DKK3: variants seen among roughly 807,000 people sequenced by gnomAD.
DKK3 encodes the protein dickkopf-related protein 3.
A neutral mutation model predicts 33.2 loss-of-function variants in DKK3; 22 were observed. The observed-to-expected ratio is 0.66, with a 90% CI of 0.47 to 0.95. The LOEUF (loss-of-function observed/expected upper bound fraction) is 0.95. Among genes scored for constraint, DKK3 ranks in the 40% least tolerant of loss-of-function variants. The pLI, the probability that DKK3 is intolerant of heterozygous loss-of-function variation, is 0.00. For missense variants in DKK3, 398 were observed against 458.4 expected (o/e 0.87, Z 1.20); for synonymous variants, 194 against 188.8 (o/e 1.03, Z -0.23).
At chr11:11,990,128 T>C (rs977348169) in intron 3 of DKK3, among the ~76,000 whole-genome samples, 2 of 152,214 alleles carry the variant, frequency 1.3e-5, no homozygotes, top group African/African-American at 2.4e-5. Flanking sequence ...AAAGACCCTA[T>C]GGTGAAAGTT....
At position 11,964,308 on chromosome 11, in the gene DKK3, G is replaced by T; in HGVS notation, c.*156C>A. Reference sequence around the variant, plus strand: ...GCCTGGAGAACAGCCTGGGGGAGCTGAACAAATGCACAACACCTCATGCTG... The same window carrying T: ...GCCTGGAGAACAGCCTGGGGGAGCTTAACAAATGCACAACACCTCATGCTG... On this transcript the variant is annotated 3_prime_UTR_variant, in exon 7 of 7. Coordinates refer to ENST00000683431, the MANE Select transcript of DKK3 (RefSeq NM_001018057.2). 1 of 980,422 alleles carries T rather than the reference G, an allele frequency of 1.0e-6. No homozygotes were observed. The highest frequency in any genetic ancestry group is 1.5e-6 in the Non-Finnish European group (1 of 661,766). The allele number at this position is 980,422 out of a possible 1,614,324, so 60.7% of individuals were successfully genotyped here.
chr11:11,984,287 C>T (rs918831007), intron 3 of DKK3, among the ~76,000 whole-genome samples: 1 of 152,196 alleles, frequency 6.6e-6, no homozygotes, highest in East Asian at 1.9e-4. Context: ...TTATGGGCTT[C>T]TTATGAACAC....
rs565858171 is a variant in DKK3, at chr11:11,964,910, T to C, written c.831-224A>G. 3.3e-5 allele frequency among the ~76,000 whole-genome samples: 5 copies of C among 152,204 alleles called. No homozygotes were observed. In the East Asian group the frequency reaches 9.7e-4, roughly 30 times the overall value. On this transcript the variant is annotated intron_variant, in intron 6 of 6. Coordinates refer to ENST00000683431, the MANE Select transcript of DKK3 (RefSeq NM_001018057.2). ...GCTGGTGGGGGGCAGCTTCCCCTCC[T>C]CCAGCGCAGGCCTGACCTCCTGTGA... is the stretch of plus-strand genomic sequence containing the variant.
intron 1 of DKK3, among the ~76,000 whole-genome samples, chr11:12,003,679 T>G (rs893822398): frequency 1.3e-5 from 2 of 152,178 alleles, no homozygotes; most frequent in African/African-American, 4.8e-5. Flanking sequence ...AAAGAGAAGT[T>G]CTACCTGATA....
upstream of DKK3, chr11:12,009,061 C>A: frequency 1.0e-6 from 1 of 986,710 alleles, no homozygotes. Flanking sequence ...AAGCACAGGT[C>A]AGCCCCCTCC....
chr11:11,988,606 C>G (rs745687682), intron 3 of DKK3, among the ~76,000 whole-genome samples: 36 of 152,226 alleles, frequency 2.4e-4, no homozygotes, highest in Admixed American at 5.2e-4. Context: ...CCCCATAGGA[C>G]CTCTTGGGAG....
intron 6 of DKK3, among the ~76,000 whole-genome samples, 174 bp downstream of exon 6, chr11:11,965,635 T>A (rs1199435772): frequency 6.6e-6 from 1 of 151,668 alleles, no homozygotes; most frequent in Non-Finnish European, 1.5e-5. Context: ...TCCAGACCCC[T>A]AGAACCGACT....
chr11:11,980,681 C>G (rs1245910823), intron 3 of DKK3, among the ~76,000 whole-genome samples: 1 of 152,158 alleles, frequency 6.6e-6, no homozygotes, highest in African/African-American at 2.4e-5. Context: ...CTCCTGGGTG[C>G]TCCCCAGTCC....
At chr11:11,988,202 GA>G (rs1240484529) in intron 3 of DKK3, among the ~76,000 whole-genome samples, 1 of 152,134 alleles carries the variant, frequency 6.6e-6, no homozygotes, top group African/African-American at 2.4e-5. Context: ...AGGTGGAGGT[GA>G]AAAATGAAAC....
chr11:12,008,645 C>T (rs1444855048), upstream of DKK3: 6 of 1,284,064 alleles, frequency 4.7e-6, no homozygotes, highest in Admixed American at 4.2e-5. The surrounding 1 kb of genome is among the most constrained non-coding windows in gnomAD (Gnocchi z 4.6). Flanking sequence ...GCGCGCGGAC[C>T]ACCCCCCTCG....
At chr11:11,974,459 T>TG (rs938655350) in intron 3 of DKK3, among the ~76,000 whole-genome samples, 2 of 152,112 alleles carry the variant, frequency 1.3e-5, no homozygotes, top group Non-Finnish European at 2.9e-5. Flanking sequence ...CAGCATCTGG[T>TG]GAGGGCCTTC....
rs903545457 is a variant in DKK3 at position 12,008,234 on chromosome 11, C to A, written c.213+136G>T. On this transcript the variant is annotated intron_variant, in intron 1 of 6. Coordinates refer to ENST00000683431, the MANE Select transcript of DKK3 (RefSeq NM_001018057.2). This position sits in a 1 kb window ranked among gnomAD's most constrained non-coding sequence, Gnocchi z 4.6. ...CACCGTGCGCTGCCTCCAGGTCACT[C>A]CGCATCTGCTGTCGGCCCTTCCCAG... is the stretch of plus-strand genomic sequence containing the variant. 8.5e-7 allele frequency: 1 copy of A among 1,180,530 alleles called. No individual in the cohort carries two copies. The highest frequency in any genetic ancestry group is 1.2e-6 in the Non-Finnish European group (1 of 866,484). The allele number at this position is 1,180,530 out of a possible 1,614,324, so 73.1% of individuals were successfully genotyped here. A position where few individuals can be genotyped will look rare whatever the true frequency, so the allele number is the denominator to read the frequency against.
chr11:11,992,675 A>T (rs1848211453), intron 3 of DKK3, among the ~76,000 whole-genome samples: 1 of 152,222 alleles, frequency 6.6e-6, no homozygotes, highest in South Asian at 2.1e-4. Context: ...AAGGGATAAG[A>T]TAAATTTGCA....
rs906937213 is a variant in DKK3 at position 11,991,489 on chromosome 11, G to A, written c.435+7207C>T. ...AGTCCCAGCACTTTGGGAGGCCGAG[G>A]TGGGAGGATCTCCTGGGGCCAGGAG... On this transcript the variant is annotated intron_variant, in intron 3 of 6. Coordinates refer to ENST00000683431, the MANE Select transcript of DKK3 (RefSeq NM_001018057.2). Among the ~76,000 whole-genome samples the A allele has an allele frequency of 3.9e-5, 6 of 152,136 alleles. No homozygotes were observed. The East Asian group carries it at 1.2e-3, about 29-fold the overall frequency.
rs571165107 is a variant in DKK3 at position 12,008,076 on chromosome 11, G to C, written c.213+294C>G. ...TCTGCTGACAATAGGGAAGGCCAAC[G>C]GCATGCCTGACGCCAACTGCAGGCA... On this transcript the variant is annotated intron_variant, in intron 1 of 6. Coordinates refer to ENST00000683431, the MANE Select transcript of DKK3 (RefSeq NM_001018057.2). This position sits in a 1 kb window ranked among gnomAD's most constrained non-coding sequence, Gnocchi z 4.6. Among the ~76,000 whole-genome samples, 6 of 152,084 alleles carry C rather than the reference G, an allele frequency of 3.9e-5. No homozygotes were observed. Among genetic ancestry groups the C allele is most frequent in the Non-Finnish European group, 1.5e-5 (1 of 68,026 alleles).
intron 3 of DKK3, chr11:11,998,238 C>T: frequency 4.7e-6 from 1 of 211,392 alleles, no homozygotes; most frequent in East Asian, 1.5e-4. Flanking sequence ...GAGCCTAGCC[C>T]TGAAATGGAC....
chr11:11,964,781 C>G (rs1847546682), intron 6 of DKK3, 95 bp from the exon 7 acceptor site: 1 of 1,530,874 alleles, frequency 6.5e-7, no homozygotes, highest in African/African-American at 1.4e-5. Context: ...CCCAGCCTCA[C>G]CTTCATGCCC....
At chr11:12,005,927 A>G (rs914431617) in intron 1 of DKK3, among the ~76,000 whole-genome samples, 3 of 152,188 alleles carry the variant, frequency 2.0e-5, no homozygotes, top group African/African-American at 4.8e-5. Flanking sequence ...ATGGTTTAAG[A>G]TATTTTAAAA....
intron 6 of DKK3, among the ~76,000 whole-genome samples, chr11:11,965,374 A>G (rs999517652): frequency 6.6e-6 from 1 of 152,188 alleles, no homozygotes; most frequent in African/African-American, 2.4e-5. Context: ...GCCAGGCTTG[A>G]GCCTCATGCC....
Sources: gnomAD v4.1 joint callset for allele counts (sites outside exome capture counted in the v4.1 genomes callset) on GRCh38, gnomAD v4.1.1 for gene constraint, Gnocchi (gnomAD v3.1) non-coding constraint, MANE v1.5 for transcripts, NCBI Gene and HGNC (gene_info 2026-07-23, HGNC 2026-07-21) for gene names.